The following DACH2 variants were observed in gnomAD, a reference collection of about 807,000 sequenced individuals.
DACH2 encodes dachshund family transcription factor 2.
A neutral mutation model predicts 35.8 loss-of-function variants in DACH2; 17 were observed. The observed-to-expected ratio is 0.48, with a 90% confidence interval of 0.33 to 0.71. The LOEUF is 0.71. Among genes scored for constraint, DACH2 ranks in the 30% least tolerant of loss-of-function variants. DACH2 has a pLI of 0.02. For synonymous variants in DACH2, 195 were observed against 177.3 expected (o/e 1.10, Z -0.79); for missense variants, 469 against 472.7 (o/e 0.99, Z 0.07).
chrX:86,806,468 T>C (rs1419983641), intron 7 of DACH2, among the ~76,000 whole-genome samples: 1 of 111,826 alleles, frequency 8.9e-6, no homozygotes, highest in East Asian at 2.8e-4. Flanking sequence ...GTCCAAACCA[T>C]ATCATTTTTA....
intron 3 of DACH2, among the ~76,000 whole-genome samples, chrX:86,571,155 G>A (rs1403884513): frequency 9.1e-6 from 1 of 110,186 alleles, no homozygotes; most frequent in Non-Finnish European, 1.9e-5. Flanking sequence ...TTTTCTACAT[G>A]AATATTCAAT....
At chrX:86,764,761 G>A (rs1473097927) in intron 7 of DACH2, among the ~76,000 whole-genome samples, 3 of 111,596 alleles carry the variant, frequency 2.7e-5, no homozygotes, top group African/African-American at 9.8e-5. Flanking sequence ...TGAGATTACT[G>A]GTTCAAATGG....
At chrX:86,540,875 G>A (rs2038870986) in intron 3 of DACH2, among the ~76,000 whole-genome samples, 1 of 111,706 alleles carries the variant, frequency 9.0e-6, no homozygotes, top group African/African-American at 3.2e-5. Flanking sequence ...TAGCCCATAT[G>A]TTTATGAATG....
At chrX:86,507,463 C>A (rs1387971850) in intron 2 of DACH2, among the ~76,000 whole-genome samples, 27 of 47,575 alleles carry the variant, frequency 5.7e-4, no homozygotes, top group African/African-American at 1.1e-3. Flanking sequence ...AGTGACCTTT[C>A]AAAAAAAAAA....
At chrX:86,274,465 C>T (rs195032) in intron 1 of DACH2, among the ~76,000 whole-genome samples, 1,480 of 12,866 alleles carry the variant, frequency 0.12, 279 homozygotes, top group African/African-American at 0.28. Flanking sequence ...TTTTTTTTTT[C>T]TTTTTTTTTT....
intron 5 of DACH2, among the ~76,000 whole-genome samples, chrX:86,705,124 A>G (rs956974775): frequency 6.0e-5 from 6 of 100,011 alleles, no homozygotes; most frequent in African/African-American, 2.5e-4. Context: ...ATAAAGGAAC[A>G]AATTAATTGC....
At chrX:86,422,165 A>G (rs1403237131) in intron 2 of DACH2, among the ~76,000 whole-genome samples, 1 of 111,296 alleles carries the variant, frequency 9.0e-6, no homozygotes, top group Non-Finnish European at 1.9e-5. Context: ...AAGTTAGCGC[A>G]GAACAGAAGG....
intron 6 of DACH2, among the ~76,000 whole-genome samples, chrX:86,727,284 C>T (rs1479892910): frequency 9.0e-6 from 1 of 111,417 alleles, no homozygotes; most frequent in Non-Finnish European, 1.9e-5. Flanking sequence ...TTAAAACATA[C>T]CTACAGAAAA....
intron 2 of DACH2, among the ~76,000 whole-genome samples, chrX:86,485,625 A>G (rs779702164): frequency 3.6e-5 from 4 of 111,884 alleles, no homozygotes; most frequent in African/African-American, 1.3e-4. Flanking sequence ...ATTGTATCCC[A>G]TAAATATGTA....
Position 86,393,981 on chromosome X carries a change from A to G in DACH2, c.527+17119A>G, listed in dbSNP as rs1330388390. 3.7e-5 allele frequency among the ~76,000 whole-genome samples: 4 copies of G among 107,987 alleles called. No individual in the cohort carries two copies. In the East Asian group the frequency reaches 1.2e-3, roughly 31 times the overall value. The allele number at this position is 107,987 out of a possible 115,157, so 93.8% of individuals were successfully genotyped here. ...TATTATTATTATTTTCATCATTATA[A>G]ATGTCTTTTTTTTCCTTTGTCTCTG... On this transcript the variant is annotated intron_variant, in intron 2 of 11. Transcript: ENST00000373125.
chrX:86,677,828 C>T (rs1212372617), intron 4 of DACH2, among the ~76,000 whole-genome samples: 1 of 112,189 alleles, frequency 8.9e-6, no homozygotes, highest in Non-Finnish European at 1.9e-5. Flanking sequence ...AACTAATTGC[C>T]TATCCATCCT....
At chrX:86,549,609 A>T (rs1007083510) in intron 3 of DACH2, among the ~76,000 whole-genome samples, 1 of 110,322 alleles carries the variant, frequency 9.1e-6, no homozygotes, top group Admixed American at 9.7e-5. Flanking sequence ...TTTCTCTGAA[A>T]AAACGATATT....
At chrX:86,545,328 A>G (rs1466013725) in intron 3 of DACH2, among the ~76,000 whole-genome samples, 1 of 111,644 alleles carries the variant, frequency 9.0e-6, no homozygotes, top group Non-Finnish European at 1.9e-5. Context: ...ACATGTTCTA[A>G]CTTACAATTT....
chrX:86,356,981 A>G (rs959278913), intron 1 of DACH2, among the ~76,000 whole-genome samples: 1 of 110,980 alleles, frequency 9.0e-6, no homozygotes, highest in Admixed American at 9.6e-5. Flanking sequence ...CTGAGTCTCC[A>G]TAGTCCATTG....
intron 3 of DACH2, among the ~76,000 whole-genome samples, chrX:86,600,292 A>G (rs1239923890): frequency 8.9e-6 from 1 of 112,177 alleles, no homozygotes; most frequent in Non-Finnish European, 1.9e-5. Context: ...ATTCTCACCA[A>G]TTATGATTTT....
chrX:86,272,646 G>C (rs1169328523), intron 1 of DACH2, among the ~76,000 whole-genome samples: 2 of 111,593 alleles, frequency 1.8e-5, no homozygotes, highest in Admixed American at 1.9e-4. Context: ...ATTGAGGAGG[G>C]ACTAAGTTTA....
intron 1 of DACH2, among the ~76,000 whole-genome samples, chrX:86,212,110 C>A (rs2032458845): frequency 9.0e-6 from 1 of 111,155 alleles, no homozygotes; most frequent in African/African-American, 3.3e-5. Flanking sequence ...GGGAGGTAGT[C>A]AACTAATTAT....
intron 2 of DACH2, among the ~76,000 whole-genome samples, chrX:86,491,337 C>T (rs1205543479): frequency 9.0e-6 from 1 of 111,489 alleles, no homozygotes; most frequent in Non-Finnish European, 1.9e-5. Flanking sequence ...ACAGTTGCCA[C>T]CTCAAAATGT....
chrX:86,683,084 A>G (rs1295302739), intron 4 of DACH2, among the ~76,000 whole-genome samples: 4 of 110,713 alleles, frequency 3.6e-5, no homozygotes, highest in Non-Finnish European at 5.7e-5. Context: ...TTTCTTGCCT[A>G]AATTCTTTCT....
Sources: allele counts gnomAD v4.1 joint callset (sites outside exome capture counted in the v4.1 genomes callset), GRCh38; gene constraint gnomAD v4.1.1; transcripts MANE v1.5; gene names NCBI Gene and HGNC (gene_info 2026-07-23, HGNC 2026-07-21).